The following EDC4 variants were observed in gnomAD, a reference collection of about 807,000 sequenced individuals.
EDC4 encodes the protein enhancer of mRNA decapping 4, also known as enhancer of mRNA-decapping protein 4.
EDC4 carries 64 observed loss-of-function variants against 155.8 expected under a neutral mutation model. The observed-to-expected ratio is 0.41, with a 90% CI of 0.34 to 0.51. The LOEUF is 0.51. Ranked by LOEUF, EDC4 falls within the 20% of genes least tolerant of loss-of-function variation. The probability of loss-of-function intolerance (pLI) is 0.19; values close to 1 mark genes in which losing one functional copy is unlikely to be tolerated. For synonymous variants in EDC4, 684 were observed against 716.8 expected (o/e 0.95, Z 0.73); for missense variants, 1,303 against 1,812.5 (o/e 0.72, Z 5.10).
Position 67,881,130 on chromosome 16 carries a change from A to G in EDC4, c.2586A>G (p.Pro862=). The G allele has an allele frequency of 1.2e-6, 2 of 1,614,026 alleles. No individual in the cohort carries two copies. The highest frequency in any genetic ancestry group is 1.7e-6 in the Non-Finnish European group (2 of 1,180,000). ...KHKSLAFHRP[P]YHLLQQRDSQ... is the part of the protein sequence containing the mutation. ...AGAGCCTGGCCTTCCACCGACCACC[A>G]TATCACCTGCTGCAGCAACGTGACA... is the stretch of plus-strand genomic sequence containing the variant. Residue 862 remains proline, a synonymous_variant, in exon 19 of 29, where the codon CCA becomes CCG. Transcript: ENST00000358933. This position sits in a 1 kb window ranked among gnomAD's most constrained non-coding sequence, Gnocchi z 5.4.
At position 67,882,685 on chromosome 16, in the gene EDC4, A is replaced by G; in HGVS notation, c.3449A>G (p.Gln1150Arg). Residue 1150 changes from glutamine to arginine, a missense_variant, in exon 26 of 29, where the codon CAG (glutamine) becomes CGG (arginine). Physicochemically the swap from Gln to Arg is conservative, Grantham distance 43. This residue lies in a region of EDC4 where 527 missense variants were observed against 757.0 expected (regional missense o/e 0.70). Transcript: ENST00000358933. This position sits in a 1 kb window ranked among gnomAD's most constrained non-coding sequence, Gnocchi z 7.2. ...CCCTGTGGTCACCCCTCAGACTTGC[A>G]GCAGCTAGAAAGCCACATGAAGAGC... is the stretch of plus-strand genomic sequence containing the variant. Reference protein sequence around the residue: ...SFRLGTQEYLQQLESHMKSRK... With the variant: ...SFRLGTQEYLRQLESHMKSRK... 4.3e-6 allele frequency: 7 copies of G among 1,614,238 alleles called. No homozygotes were observed. The highest frequency in any genetic ancestry group is 5.9e-6 in the Non-Finnish European group (7 of 1,180,046).
At position 67,881,756 on chromosome 16, in the gene EDC4, T is replaced by G; in HGVS notation, c.2915T>G (p.Leu972Arg). The change falls in exon 22 of 29, where the codon CTG becomes CGG. Residue 972 changes from leucine to arginine, a missense_variant. By Grantham distance (102) the Leu-to-Arg change is moderately radical (BLOSUM62 -2). Around this residue, in one of 5 missense-constraint regions of EDC4, gnomAD observed 527 missense variants for 757.0 expected, o/e 0.70. Coordinates refer to ENST00000358933, the MANE Select transcript of EDC4 (RefSeq NM_014329.5). The surrounding 1 kb of genome is among the most constrained non-coding windows in gnomAD (Gnocchi z 5.4). ...CTGCGGCACAGCCAGGAAGAGCTGC[T>G]GCAGCGTCTGTGTACCCAACTCGAA... ...AELRHSQEEL[L>R]QRLCTQLEGL... is the part of the protein sequence containing the mutation. 1.2e-6 allele frequency: 2 copies of G among 1,614,130 alleles called. No individual in the cohort carries two copies. Among genetic ancestry groups the G allele is most frequent in the Non-Finnish European group, 1.7e-6 (2 of 1,180,000 alleles).
At position 67,881,871 on chromosome 16, in the gene EDC4, A is replaced by G; in HGVS notation, c.3004+26A>G. The stretch of plus-strand genomic sequence containing the variant: ...GTATCCTTGAGACTGGTAGCACAAC[A>G]TGGCATAGGGACGGGGGCAGCATTC... On this transcript the variant is annotated intron_variant, in intron 22 of 28. Coordinates refer to ENST00000358933, the MANE Select transcript of EDC4 (RefSeq NM_014329.5). The surrounding 1 kb of genome is among the most constrained non-coding windows in gnomAD (Gnocchi z 5.4). 6.2e-7 allele frequency: 1 copy of G among 1,608,274 alleles called. No individual in the cohort carries two copies. Among genetic ancestry groups the G allele is most frequent in the Non-Finnish European group, 8.5e-7 (1 of 1,175,190 alleles).
rs1198414132 is a variant in EDC4, at chr16:67,882,006, G to A, written c.3057G>A (p.Leu1019=). 6.2e-7 allele frequency: 1 copy of A among 1,611,348 alleles called. No individual in the cohort carries two copies. The highest frequency in any genetic ancestry group is 8.5e-7 in the Non-Finnish European group (1 of 1,179,110). Residue 1019 remains leucine (L), a synonymous_variant, in exon 23 of 29, where the codon CTG becomes CTA. Coordinates refer to ENST00000358933, the MANE Select transcript of EDC4 (RefSeq NM_014329.5). This position sits in a 1 kb window ranked among gnomAD's most constrained non-coding sequence, Gnocchi z 7.2. ...AGGGGCAGCAGCGGGGAGGGCAGCT[G>A]CAGGAGCAGCTGACACAACAGTTGT... is the stretch of plus-strand genomic sequence containing the variant. The part of the protein sequence containing the change: ...LAEGQQRGGQ[L]QEQLTQQLSQ...
rs2058063299 is a variant in EDC4, at chr16:67,880,641, C to T, written c.2182C>T (p.Arg728Cys). 1.9e-6 allele frequency: 3 copies of T among 1,614,192 alleles called. No homozygotes were observed. The highest frequency in any genetic ancestry group is 1.7e-6 in the Non-Finnish European group (2 of 1,180,030). The change falls in exon 18 of 29, where the codon CGT becomes TGT. Residue 728 changes from arginine to cysteine, a missense_variant. Transcript: ENST00000358933. The surrounding 1 kb of genome is among the most constrained non-coding windows in gnomAD (Gnocchi z 5.2). Reference sequence around the variant, plus strand: ...ACCCCAAGCCTCCCCTAGCCGCACTCGTTCCCCTGATGTCATCTCCTCAGC... The same window carrying T: ...ACCCCAAGCCTCCCCTAGCCGCACTTGTTCCCCTGATGTCATCTCCTCAGC... ...GLPQASPSRT[R>C]SPDVISSAST...
Position 67,883,430 on chromosome 16 carries a change from C to G in EDC4, c.3850-138C>G. On this transcript the variant is annotated intron_variant, in intron 27 of 28. Transcript: ENST00000358933. This position sits in a 1 kb window ranked among gnomAD's most constrained non-coding sequence, Gnocchi z 5.3. ...AATCCCCTAGGGTAACTACACAGCCCTACAGGCTCTCTCTGAGTCCCTCTG... is the reference window on the plus strand; with the variant it reads ...AATCCCCTAGGGTAACTACACAGCCGTACAGGCTCTCTCTGAGTCCCTCTG... 7.1e-7 allele frequency: 1 copy of G among 1,401,688 alleles called. No individual in the cohort carries two copies. Among genetic ancestry groups the G allele is most frequent in the Non-Finnish European group, 9.8e-7 (1 of 1,024,446 alleles). The allele number at this position is 1,401,688 out of a possible 1,614,324, so 86.8% of individuals were successfully genotyped here.
Position 67,878,391 on chromosome 16 carries a change from C to G in EDC4, c.1036C>G (p.Arg346Gly), listed in dbSNP as rs546531673. The change falls in exon 9 of 29, where the codon CGG (arginine) becomes GGG (glycine). Residue 346 changes from arginine (R) to glycine (G), a missense_variant. Arg to Gly is a moderately radical substitution (Grantham distance 125, BLOSUM62 -2). Transcript: ENST00000358933. The surrounding 1 kb of genome is among the most constrained non-coding windows in gnomAD (Gnocchi z 5.2). ...GCACGAGTGGAAACCTCATGATGGG[C>G]GGCCCCTCTCCTGCCTCCTGTTCTG... Reference protein sequence around the residue: ...CLHEWKPHDGRPLSCLLFCDN... With the variant: ...CLHEWKPHDGGPLSCLLFCDN... The G allele has an allele frequency of 8.7e-6, 14 of 1,614,066 alleles. No individual in the cohort carries two copies. Among genetic ancestry groups the G allele is most frequent in the Non-Finnish European group, 1.2e-5 (14 of 1,180,050 alleles).
At chr16:67,874,441 C>T (rs752435082) in intron 1 of EDC4, among the ~76,000 whole-genome samples, 2 of 152,190 alleles carry the variant, frequency 1.3e-5, no homozygotes, top group South Asian at 2.1e-4. Context: ...TGAGACCACT[C>T]GGCCCTTTGT....
Position 67,877,517 on chromosome 16 carries a change from T to A in EDC4, c.650T>A (p.Ile217Asn). ...ALVNGKIQEE[I>N]LVHIRQPEGT... ...CTTAACACCCTGCTCAGAGAAGAGA[T>A]CTTGGTCCATATTCGGCAGCCAGAG... The change falls in exon 6 of 29, where the codon ATC becomes AAC. Residue 217 changes from isoleucine to asparagine, a missense_variant. By Grantham distance (149) the Ile-to-Asn change is moderately radical. Around this residue, in one of 5 missense-constraint regions of EDC4, gnomAD observed 235 missense variants for 367.7 expected, o/e 0.64. Transcript: ENST00000358933. The surrounding 1 kb of genome is among the most constrained non-coding windows in gnomAD (Gnocchi z 4.9). The A allele has an allele frequency of 6.2e-7, 1 of 1,614,146 alleles. No individual in the cohort carries two copies. The highest frequency in any genetic ancestry group is 1.1e-5 in the South Asian group (1 of 91,082).
At position 67,881,656 on chromosome 16, in the gene EDC4, T is replaced by C; in HGVS notation, c.2827-12T>C. 4.3e-6 allele frequency: 7 copies of C among 1,611,220 alleles called. No individual in the cohort carries two copies. The highest frequency in any genetic ancestry group is 5.9e-6 in the Non-Finnish European group (7 of 1,177,710). The stretch of plus-strand genomic sequence containing the variant: ...GGGGCAGGCATCGTGTGACTGTCAG[T>C]GCTACTGACAGGTGGCAGAGCCCCC... On this transcript the variant is annotated splice_polypyrimidine_tract_variant and intron_variant, in intron 21 of 28. Coordinates refer to ENST00000358933, the MANE Select transcript of EDC4 (RefSeq NM_014329.5). The surrounding 1 kb of genome is among the most constrained non-coding windows in gnomAD (Gnocchi z 5.4).
In EDC4 at chr16:67,876,976, A is replaced by G; in HGVS notation, c.451+4A>G. 1 of 1,613,634 alleles carries G rather than the reference A, an allele frequency of 6.2e-7. No individual in the cohort carries two copies. The highest frequency in any genetic ancestry group is 2.2e-5 in the East Asian group (1 of 44,888). ...TTCTTGGCCTATGCCATTCGGGGTG[A>G]GTAAAGACAGTGAGGAGGAAGGAAT... is the stretch of plus-strand genomic sequence containing the variant. On this transcript the variant is annotated splice_donor_region_variant and intron_variant, in intron 4 of 28. Coordinates refer to ENST00000358933, the MANE Select transcript of EDC4 (RefSeq NM_014329.5). This position sits in a 1 kb window ranked among gnomAD's most constrained non-coding sequence, Gnocchi z 5.8.
Position 67,876,890 on chromosome 16 carries a change from C to T in EDC4, c.369C>T (p.Val123=), listed in dbSNP as rs749190020. ...RGSNKVKIQP[V]AKYDWEQKYY... ...GTTCTCAGGTGAAAATTCAGCCTGT[C>T]GCCAAGTATGACTGGGAACAGAAGT... Residue 123 remains valine, a synonymous_variant, in exon 4 of 29, where the codon GTC becomes GTT. Transcript: ENST00000358933. This position sits in a 1 kb window ranked among gnomAD's most constrained non-coding sequence, Gnocchi z 5.8. 11 of 1,614,166 alleles carry T rather than the reference C, an allele frequency of 6.8e-6. No homozygotes were observed. Among genetic ancestry groups the T allele is most frequent in the African/African-American group, 1.3e-5 (1 of 75,072 alleles).
At position 67,883,305 on chromosome 16, in the gene EDC4, C is replaced by T; in HGVS notation, c.3849+128C>T. ...GCAGACTGTTCTTGGTTCCCTTTGG[C>T]CTCCAGGCCATTGTCCCTGCTGCTT... On this transcript the variant is annotated intron_variant, in intron 27 of 28. Transcript: ENST00000358933. This position sits in a 1 kb window ranked among gnomAD's most constrained non-coding sequence, Gnocchi z 5.3. The T allele has an allele frequency of 2.8e-6, 4 of 1,417,124 alleles. No homozygotes were observed. The highest frequency in any genetic ancestry group is 1.4e-5 in the South Asian group (1 of 70,440). The allele number at this position is 1,417,124 out of a possible 1,614,324, so 87.8% of individuals were successfully genotyped here.
At position 67,882,670 on chromosome 16, in the gene EDC4, A is replaced by G; in HGVS notation, c.3443-9A>G. On this transcript the variant is annotated splice_polypyrimidine_tract_variant and intron_variant, in intron 25 of 28. Coordinates refer to ENST00000358933, the MANE Select transcript of EDC4 (RefSeq NM_014329.5). This position sits in a 1 kb window ranked among gnomAD's most constrained non-coding sequence, Gnocchi z 7.2. ...TGTTCCTCTTATAGTCCCTGTGGTC[A>G]CCCCTCAGACTTGCAGCAGCTAGAA... 6.2e-7 allele frequency: 1 copy of G among 1,614,178 alleles called. No homozygotes were observed. Among genetic ancestry groups the G allele is most frequent in the Non-Finnish European group, 8.5e-7 (1 of 1,180,032 alleles).
In EDC4 at chr16:67,877,705, G is replaced by C; in HGVS notation, c.790-36G>C. Reference sequence around the variant, plus strand: ...AGGCGCCAGAGAAGCCATAGTGTGGGGTTGGGCTGCACACTCACCTCCCTG... The same window carrying C: ...AGGCGCCAGAGAAGCCATAGTGTGGCGTTGGGCTGCACACTCACCTCCCTG... On this transcript the variant is annotated intron_variant, in intron 6 of 28. Transcript: ENST00000358933. The surrounding 1 kb of genome is among the most constrained non-coding windows in gnomAD (Gnocchi z 4.9). 1 of 1,614,126 alleles carries C rather than the reference G, an allele frequency of 6.2e-7. No individual in the cohort carries two copies. Among genetic ancestry groups the C allele is most frequent in the Non-Finnish European group, 8.5e-7 (1 of 1,180,026 alleles).
rs764055056 is a variant in EDC4, at chr16:67,878,917, T to C, written c.1288-40T>C. On this transcript the variant is annotated intron_variant, in intron 11 of 28. Coordinates refer to ENST00000358933, the MANE Select transcript of EDC4 (RefSeq NM_014329.5). This position sits in a 1 kb window ranked among gnomAD's most constrained non-coding sequence, Gnocchi z 5.2. ...GGGGGCAGGTGGCGCATCACAGCCC[T>C]TAGCCTCTGAGCTCAGCTAGGAACG... 2 of 1,610,772 alleles carry C rather than the reference T, an allele frequency of 1.2e-6. No individual in the cohort carries two copies. The highest frequency in any genetic ancestry group is 1.3e-5 in the African/African-American group (1 of 74,932).
In EDC4 at chr16:67,878,938, G is replaced by T; in HGVS notation, c.1288-19G>T. On this transcript the variant is annotated intron_variant, in intron 11 of 28. Transcript: ENST00000358933. The surrounding 1 kb of genome is among the most constrained non-coding windows in gnomAD (Gnocchi z 5.2). The stretch of plus-strand genomic sequence containing the variant: ...GCCCTTAGCCTCTGAGCTCAGCTAG[G>T]AACGTTCTGCCTGTGCAGGTCCTCT... The T allele has an allele frequency of 6.2e-7, 1 of 1,610,226 alleles. No homozygotes were observed.
chr16:67,882,485 G>A lies in EDC4; in HGVS notation c.3333G>A (p.Gln1111=). 7 of 1,614,266 alleles carry A rather than the reference G, an allele frequency of 4.3e-6. No homozygotes were observed. The highest frequency in any genetic ancestry group is 5.9e-6 in the Non-Finnish European group (7 of 1,180,044). ...AAADTLQGPM[Q]AAYREAFQSV... is the part of the protein sequence containing the mutation. ...CAGACACATTACAAGGGCCGATGCA[G>A]GCTGCCTACCGGGAAGCCTTCCAGA... The change falls in exon 25 of 29, where the codon CAG becomes CAA. Residue 1111 remains glutamine (Q), a synonymous_variant. Coordinates refer to ENST00000358933, the MANE Select transcript of EDC4 (RefSeq NM_014329.5). The surrounding 1 kb of genome is among the most constrained non-coding windows in gnomAD (Gnocchi z 7.2).
Position 67,884,240 on chromosome 16 carries a change from C to A in EDC4, c.*92C>A. Reference sequence around the variant, plus strand: ...CAGGGTCACGGCTGGCCTTTACCTGCTCAGGCCCCCATCTCTGGGGTGTTT... The same window carrying A: ...CAGGGTCACGGCTGGCCTTTACCTGATCAGGCCCCCATCTCTGGGGTGTTT... On this transcript the variant is annotated 3_prime_UTR_variant, in exon 29 of 29. Coordinates refer to ENST00000358933, the MANE Select transcript of EDC4 (RefSeq NM_014329.5). This position sits in a 1 kb window ranked among gnomAD's most constrained non-coding sequence, Gnocchi z 4.1. 8.2e-7 allele frequency: 1 copy of A among 1,218,348 alleles called. No individual in the cohort carries two copies. The highest frequency in any genetic ancestry group is 1.1e-6 in the Non-Finnish European group (1 of 891,750). The allele number at this position is 1,218,348 out of a possible 1,614,324, so 75.5% of individuals were successfully genotyped here. A position where few individuals can be genotyped will look rare whatever the true frequency, so the allele number is the denominator to read the frequency against.
Sources: gnomAD v4.1 joint callset for allele counts (sites outside exome capture counted in the v4.1 genomes callset) on GRCh38, gnomAD v4.1.1 for gene constraint, gnomAD v4.1.1 regional missense constraint, Gnocchi (gnomAD v3.1) non-coding constraint, MANE v1.5 for transcripts, NCBI Gene and HGNC (gene_info 2026-07-23, HGNC 2026-07-21) for gene names.